The following LPGAT1 variants were observed in gnomAD, a reference collection of about 807,000 sequenced individuals.
LPGAT1 encodes acyl-CoA:lysophosphatidylglycerol acyltransferase 1.
LPGAT1 carries 11 observed loss-of-function variants against 47.5 expected under a neutral mutation model. That is an observed-to-expected ratio of 0.23 (90% CI 0.15 to 0.38). LPGAT1 has a LOEUF of 0.38. LPGAT1 is among the 10% of genes least tolerant of loss of function. LPGAT1 has a pLI of 1.00. For synonymous variants in LPGAT1, 138 were observed against 144.2 expected (o/e 0.96, Z 0.31); for missense variants, 293 against 439.0 (o/e 0.67, Z 2.97).
In LPGAT1 at chr1:211,749,904, A is replaced by T; in HGVS notation, c.1108T>A (p.Phe370Ile). ...TGACAAGTCCACGTCAATTCCTAAA[A>T]CAGGCAATGGTAAAAATACTGAATG... ...NIIQYFYHCL[F>I] Residue 370 changes from phenylalanine (F) to isoleucine (I), a missense_variant, in exon 8 of 8, where the codon TTT (phenylalanine) becomes ATT (isoleucine). Coordinates refer to ENST00000366997, the MANE Select transcript of LPGAT1 (RefSeq NM_014873.3). The T allele has an allele frequency of 6.2e-7, 1 of 1,613,946 alleles. No homozygotes were observed. The highest frequency in any genetic ancestry group is 8.5e-7 in the Non-Finnish European group (1 of 1,179,938).
At chr1:211,807,308 G>T (rs1659795551) in intron 2 of LPGAT1, among the ~76,000 whole-genome samples, 1 of 151,608 alleles carries the variant, frequency 6.6e-6, no homozygotes, top group Non-Finnish European at 1.5e-5. Context: ...TGGATTAAAA[G>T]ACTCAACATA....
chr1:211,803,764 C>CT (rs372453326), intron 2 of LPGAT1, among the ~76,000 whole-genome samples: 8,095 of 139,010 alleles, frequency 0.058, 287 homozygotes, highest in African/African-American at 0.08. Context: ...GTTTTTCTTT[C>CT]TTTTTTTTTT....
intron 3 of LPGAT1, 120 bp from the exon 4 acceptor site, chr1:211,787,847 A>C: frequency 3.4e-6 from 2 of 585,746 alleles, no homozygotes; most frequent in East Asian, 5.9e-5. Context: ...AAAATATCTT[A>C]AGTCTAACTC....
Position 211,830,740 on chromosome 1 carries a change from G to A in LPGAT1, c.-195C>T, listed in dbSNP as rs1660712103. 8.5e-7 allele frequency: 1 copy of A among 1,171,258 alleles called. No homozygotes were observed. Among genetic ancestry groups the A allele is most frequent in the Non-Finnish European group, 1.1e-6 (1 of 949,202 alleles). 72.6% of individuals were successfully genotyped at this position (1,171,258 alleles called of 1,614,324 possible). On this transcript the variant is annotated 5_prime_UTR_variant, in exon 1 of 8. Transcript: ENST00000366997. The surrounding 1 kb of genome is among the most constrained non-coding windows in gnomAD (Gnocchi z 5.9). ...GCGGCGCCGAGACTCGGTCCCCAAG[G>A]GCCCGGCCGCGTTCGCCCGGACTGG...
chr1:211,814,535 T>C (rs570849418), intron 2 of LPGAT1, among the ~76,000 whole-genome samples: 2 of 152,302 alleles, frequency 1.3e-5, no homozygotes, highest in South Asian at 4.1e-4. Flanking sequence ...TTAAGTGCTT[T>C]CCATGTATGG....
rs1183744459 is a variant in LPGAT1 at position 211,748,308 on chromosome 1, C to T, written c.*1591G>A. On this transcript the variant is annotated 3_prime_UTR_variant, in exon 8 of 8. Coordinates refer to ENST00000366997, the MANE Select transcript of LPGAT1 (RefSeq NM_014873.3). ...CACTTTTGGAGAAGGGTGTGGTTCT[C>T]TTATGAGGTAAATTGTACAAACATC... 2 of 152,470 alleles carry T rather than the reference C, an allele frequency of 1.3e-5. No homozygotes were observed. Among genetic ancestry groups the T allele is most frequent in the Non-Finnish European group, 2.9e-5 (2 of 68,036 alleles). The allele number at this position is 152,470 out of a possible 1,614,324, so 9.4% of individuals were successfully genotyped here.
In LPGAT1 at chr1:211,749,951, G is replaced by A; in HGVS notation, c.1061C>T (p.Ser354Leu). The A allele has an allele frequency of 6.2e-7, 1 of 1,614,018 alleles. No homozygotes were observed. Among genetic ancestry groups the A allele is most frequent in the Non-Finnish European group, 8.5e-7 (1 of 1,179,948 alleles). ...IFLIQSFAFL[S>L]GYMWYNIIQY... ...AATGATGTTGTACCACATATAGCCT[G>A]ACAAAAATGCAAAAGACTGTATGAG... The change falls in exon 8 of 8, where the codon TCA becomes TTA. Residue 354 changes from serine (S) to leucine (L), a missense_variant. By Grantham distance (145) the Ser-to-Leu change is moderately radical. Transcript: ENST00000366997.
At chr1:211,818,533 T>C (rs909085873) in intron 2 of LPGAT1, among the ~76,000 whole-genome samples, 1 of 152,184 alleles carries the variant, frequency 6.6e-6, no homozygotes, top group African/African-American at 2.4e-5. Flanking sequence ...TAAGACAAAA[T>C]AAAACAGATC....
rs756507411 is a variant in LPGAT1, at chr1:211,751,050, T to A, written c.872A>T (p.Asp291Val). The A allele has an allele frequency of 1.9e-6, 3 of 1,611,898 alleles. No individual in the cohort carries two copies. The African/African-American group carries it at 4.0e-5, about 22-fold the overall frequency. Residue 291 changes from aspartate to valine, a missense_variant, in exon 7 of 8, where the codon GAT becomes GTT. Asp to Val is a radical substitution (Grantham distance 152). Coordinates refer to ENST00000366997, the MANE Select transcript of LPGAT1 (RefSeq NM_014873.3). Reference sequence around the variant, plus strand: ...AAGGTCATCAGTCTCCAGGGGTACATCTTTAATTGGAAAGATCCTATTAAG... The same window carrying A: ...AAGGTCATCAGTCTCCAGGGGTACAACTTTAATTGGAAAGATCCTATTAAG... ...HVHYRIFPIKDVPLETDDLTT... is the reference protein window; with the variant it reads ...HVHYRIFPIKVVPLETDDLTT...
intron 6 of LPGAT1, among the ~76,000 whole-genome samples, chr1:211,759,659 T>G (rs1399025502): frequency 6.6e-6 from 1 of 152,224 alleles, no homozygotes; most frequent in Non-Finnish European, 1.5e-5. Context: ...AGGCTATAAA[T>G]CCTTCCTATG....
chr1:211,800,590 G>C (rs1392748331), intron 2 of LPGAT1, among the ~76,000 whole-genome samples: 1 of 152,118 alleles, frequency 6.6e-6, no homozygotes, highest in Non-Finnish European at 1.5e-5. Flanking sequence ...TTCAAAAGGG[G>C]AGCTAGTGGC....
At chr1:211,805,359 A>G (rs955847322) in intron 2 of LPGAT1, among the ~76,000 whole-genome samples, 3 of 152,210 alleles carry the variant, frequency 2.0e-5, no homozygotes, top group African/African-American at 7.2e-5. Context: ...ATTTTATAAT[A>G]AAGTGTTGAA....
At chr1:211,827,977 C>T (rs1163504086) in intron 2 of LPGAT1, among the ~76,000 whole-genome samples, 1 of 152,182 alleles carries the variant, frequency 6.6e-6, no homozygotes, top group Non-Finnish European at 1.5e-5. Context: ...CTGTCAGACT[C>T]CATAAAAGCT....
At chr1:211,804,832 A>G (rs1659695857) in intron 2 of LPGAT1, among the ~76,000 whole-genome samples, 2 of 152,220 alleles carry the variant, frequency 1.3e-5, no homozygotes, top group Admixed American at 6.5e-5. Flanking sequence ...TAAAATAAAG[A>G]GTAAAAATAT....
rs1656940865 is a variant in LPGAT1 at position 211,746,334 on chromosome 1, T to C, written c.*3565A>G. 1 of 152,590 alleles carries C rather than the reference T, an allele frequency of 6.6e-6. No homozygotes were observed. Among genetic ancestry groups the C allele is most frequent in the Admixed American group, 6.5e-5 (1 of 15,278 alleles). The allele number at this position is 152,590 out of a possible 1,614,324, so 9.5% of individuals were successfully genotyped here. A position where few individuals can be genotyped will look rare whatever the true frequency, so the allele number is the denominator to read the frequency against. On this transcript the variant is annotated 3_prime_UTR_variant, in exon 8 of 8. Transcript: ENST00000366997. ...TGAGAACAATGCCAATACTGCCAAT[T>C]TTTGATTATTCAGGGATGCTTTTCT...
intron 2 of LPGAT1, among the ~76,000 whole-genome samples, chr1:211,794,332 T>C (rs1250058443): frequency 3.9e-5 from 6 of 152,206 alleles, no homozygotes; most frequent in Non-Finnish European, 7.4e-5. Context: ...AGGATCTTGC[T>C]CTGTTACCTT....
At chr1:211,783,185 T>G in intron 5 of LPGAT1, 44 bp downstream of exon 5, 4 of 1,504,648 alleles carry the variant, frequency 2.7e-6, no homozygotes, top group Non-Finnish European at 3.6e-6. Flanking sequence ...CTCCAGAAAA[T>G]CCTTTAACTC....
rs1160876903 is a variant in LPGAT1, at chr1:211,830,530, C to T, written c.-28+43G>A. On this transcript the variant is annotated intron_variant, in intron 1 of 7. Transcript: ENST00000366997. This position sits in a 1 kb window ranked among gnomAD's most constrained non-coding sequence, Gnocchi z 5.9. ...CCCCAGCGCCTCCCCTGGCCCGGCTCCGCTGCCGCTCTGGGGCCTGCGACC... is the reference window on the plus strand; with the variant it reads ...CCCCAGCGCCTCCCCTGGCCCGGCTTCGCTGCCGCTCTGGGGCCTGCGACC... The T allele has an allele frequency of 1.7e-5, 19 of 1,111,142 alleles. No individual in the cohort carries two copies. The highest frequency in any genetic ancestry group is 2.1e-5 in the Non-Finnish European group (19 of 907,850). The allele number at this position is 1,111,142 out of a possible 1,614,324, so 68.8% of individuals were successfully genotyped here.
chr1:211,787,475 G>A (rs1188669836), intron 4 of LPGAT1, among the ~76,000 whole-genome samples, 157 bp downstream of exon 4: 4 of 141,016 alleles, frequency 2.8e-5, no homozygotes, highest in Non-Finnish European at 4.5e-5. Context: ...GCGACAGAGC[G>A]AGACTCTGTC....
Sources: allele counts gnomAD v4.1 joint callset (sites outside exome capture counted in the v4.1 genomes callset), GRCh38; gene constraint gnomAD v4.1.1; non-coding constraint Gnocchi (gnomAD v3.1); transcripts MANE v1.5; gene names NCBI Gene and HGNC (gene_info 2026-07-23, HGNC 2026-07-21).